The following LAMA3 variants were observed in gnomAD, a reference collection of about 807,000 sequenced individuals.
LAMA3 encodes laminin subunit alpha 3.
Under a neutral mutation model 402.0 loss-of-function variants are expected in LAMA3, and 281 were observed. That is an observed-to-expected ratio of 0.70 (90% CI 0.63 to 0.77). LAMA3 has a LOEUF of 0.77. LAMA3 is among the 30% of genes least tolerant of loss of function. The pLI, the probability that LAMA3 is intolerant of heterozygous loss-of-function variation, is 0.00. For missense variants in LAMA3, 3,840 were observed against 4,215.5 expected (o/e 0.91, Z 2.47); for synonymous variants, 1,431 against 1,558.4 (o/e 0.92, Z 1.93).
In LAMA3 at chr18:23,898,864, C is replaced by T; in HGVS notation, c.5724+16C>T. On this transcript the variant is annotated intron_variant, in intron 45 of 74. Coordinates refer to ENST00000313654, the MANE Select transcript of LAMA3 (RefSeq NM_198129.4). ...GCAAGAAAAGGTAATGTGTTAGGTCCATTTAACTTTGGGGTTTTTTTGCTT... is the reference window on the plus strand; with the variant it reads ...GCAAGAAAAGGTAATGTGTTAGGTCTATTTAACTTTGGGGTTTTTTTGCTT... The T allele has an allele frequency of 2.6e-6, 4 of 1,566,222 alleles. No homozygotes were observed. Among genetic ancestry groups the T allele is most frequent in the Non-Finnish European group, 3.5e-6 (4 of 1,136,482 alleles).
At position 23,867,929 on chromosome 18, in the gene LAMA3, G is replaced by A. The variant is rs2064405310; in HGVS notation, c.4767+12G>A. ...TGCACGTGGTCGAGGTAAAGGAAGA[G>A]CAACCATAGGATGGTCCTTTCTGTT... On this transcript the variant is annotated intron_variant, in intron 37 of 74. Coordinates refer to ENST00000313654, the MANE Select transcript of LAMA3 (RefSeq NM_198129.4). The A allele has an allele frequency of 7.5e-6, 12 of 1,606,188 alleles. No homozygotes were observed. The highest frequency in any genetic ancestry group is 9.4e-6 in the Non-Finnish European group (11 of 1,172,822).
In LAMA3 at chr18:23,946,302, G is replaced by C; in HGVS notation, c.9351+18G>C. On this transcript the variant is annotated intron_variant, in intron 70 of 74. Coordinates refer to ENST00000313654, the MANE Select transcript of LAMA3 (RefSeq NM_198129.4). The stretch of plus-strand genomic sequence containing the variant: ...AACCAAAGGTAAATAGTTATGTTCA[G>C]AGCCATGGACAGAAACAATTCACCT... 6.2e-7 allele frequency: 1 copy of C among 1,612,672 alleles called. No individual in the cohort carries two copies. Among genetic ancestry groups the C allele is most frequent in the Non-Finnish European group, 8.5e-7 (1 of 1,178,696 alleles).
chr18:23,858,617 G>A (rs567956750), intron 33 of LAMA3, 72 bp from the exon 34 acceptor site: 325 of 1,366,754 alleles, frequency 2.4e-4, no homozygotes, highest in Non-Finnish European at 3.3e-4. Flanking sequence ...TATTTAATTT[G>A]TGCAAGTAGC....
intron 35 of LAMA3, among the ~76,000 whole-genome samples, chr18:23,864,289 C>A (rs1227510430): frequency 6.6e-6 from 1 of 150,568 alleles, no homozygotes. Context: ...TGCAGTGGTA[C>A]AATAATAGCT....
chr18:23,889,041 G>T (rs1419694791), intron 41 of LAMA3, among the ~76,000 whole-genome samples: 1 of 152,022 alleles, frequency 6.6e-6, no homozygotes, highest in Non-Finnish European at 1.5e-5. Flanking sequence ...AAAGGCTCAG[G>T]GCCAAAGGTA....
chr18:23,695,542 C>A (rs1161830589), intron 1 of LAMA3, among the ~76,000 whole-genome samples: 1 of 151,968 alleles, frequency 6.6e-6, no homozygotes, highest in Non-Finnish European at 1.5e-5. Context: ...ATCCTTAAGG[C>A]CAGGAATGGT....
intron 7 of LAMA3, among the ~76,000 whole-genome samples, chr18:23,762,860 AT>A (rs113500529): frequency 0.014 from 1,448 of 106,734 alleles, 30 homozygotes; most frequent in African/African-American, 0.06. Flanking sequence ...ATATATATAT[AT>A]TTTTTTTTTT....
intron 66 of LAMA3, chr18:23,932,596 A>C (rs2082194901): frequency 2.8e-6 from 1 of 357,420 alleles, no homozygotes; most frequent in Admixed American, 4.0e-5. Context: ...ATTATAATCA[A>C]GATTGTGCAA....
intron 10 of LAMA3, among the ~76,000 whole-genome samples, chr18:23,776,678 A>C (rs2062326606): frequency 6.6e-6 from 1 of 151,994 alleles, no homozygotes; most frequent in South Asian, 2.1e-4. Context: ...GACTCACATG[A>C]ATGGGTAACT....
At chr18:23,845,765 C>T (rs1313718508) in intron 30 of LAMA3, among the ~76,000 whole-genome samples, 1 of 152,190 alleles carries the variant, frequency 6.6e-6, no homozygotes, top group African/African-American at 2.4e-5. Flanking sequence ...CTCAGCCACT[C>T]CATAACCTTG....
At chr18:23,865,943 T>C (rs8087448) in intron 36 of LAMA3, among the ~76,000 whole-genome samples, 24,023 of 152,094 alleles carry the variant, frequency 0.16, 4,229 homozygotes, top group African/African-American at 0.42. Context: ...AGCAATTCTC[T>C]TGCCTCAGCC....
At chr18:23,690,508 T>C (rs981798566) in intron 1 of LAMA3, among the ~76,000 whole-genome samples, 13 of 152,198 alleles carry the variant, frequency 8.5e-5, no homozygotes, top group African/African-American at 2.9e-4. Flanking sequence ...CATCCAGTCA[T>C]TGGGGGCGAA....
At chr18:23,783,202 C>T (rs561645150) in intron 11 of LAMA3, among the ~76,000 whole-genome samples, 1 of 152,116 alleles carries the variant, frequency 6.6e-6, no homozygotes, top group African/African-American at 2.4e-5. Flanking sequence ...AGAATGGAAA[C>T]GGCAAGGCCT....
intron 37 of LAMA3, among the ~76,000 whole-genome samples, chr18:23,870,701 T>G (rs1462056874): frequency 6.6e-6 from 1 of 152,172 alleles, no homozygotes; most frequent in Admixed American, 6.5e-5. Context: ...AGATGAACCT[T>G]GAGAACCTTA....
At chr18:23,940,044 C>T (rs2082442910) in intron 68 of LAMA3, among the ~76,000 whole-genome samples, 1 of 152,220 alleles carries the variant, frequency 6.6e-6, no homozygotes, top group Admixed American at 6.5e-5. Context: ...CACTTACTGG[C>T]TGGGTGACTC....
chr18:23,710,110 A>C, intron 1 of LAMA3: 1 of 716,880 alleles, frequency 1.4e-6, no homozygotes, highest in Non-Finnish European at 2.6e-6. Flanking sequence ...TCTGCCGAGG[A>C]TATTTGGGCT....
intron 2 of LAMA3, among the ~76,000 whole-genome samples, chr18:23,744,559 C>A (rs142412486): frequency 2.6e-5 from 4 of 151,974 alleles, no homozygotes; most frequent in Non-Finnish European, 5.9e-5. Flanking sequence ...TGGCCGGGCA[C>A]GGTGGCTCAT....
intron 12 of LAMA3, among the ~76,000 whole-genome samples, chr18:23,788,649 T>C (rs1319709902): frequency 6.6e-6 from 1 of 151,924 alleles, no homozygotes; most frequent in Non-Finnish European, 1.5e-5. Context: ...ACGTAAGAGC[T>C]AAAACTATAA....
At chr18:23,700,258 C>A (rs147068461) in intron 1 of LAMA3, among the ~76,000 whole-genome samples, 2 of 152,008 alleles carry the variant, frequency 1.3e-5, no homozygotes, top group Admixed American at 1.3e-4. Flanking sequence ...CTTTCTTGCA[C>A]GAGATCCAAG....
Sources: gnomAD v4.1 joint callset for allele counts (sites outside exome capture counted in the v4.1 genomes callset) on GRCh38, gnomAD v4.1.1 for gene constraint, MANE v1.5 for transcripts, NCBI Gene and HGNC (gene_info 2026-07-23, HGNC 2026-07-21) for gene names.